AKAP17A: variants seen among roughly 807,000 people sequenced by gnomAD.
The protein encoded by AKAP17A is A-kinase anchor protein 17A.
In AKAP17A, 15 loss-of-function variants were observed where a neutral mutation model predicts 52.2. The observed-to-expected ratio is 0.29, with a 90% CI of 0.19 to 0.44. AKAP17A has a LOEUF of 0.44. AKAP17A is among the 20% of genes least tolerant of loss of function. AKAP17A has a pLI of 1.00. For missense variants in AKAP17A, 1,060 were observed against 1,007.0 expected, an observed-to-expected ratio of 1.05 and a Z score of -0.71; for synonymous variants, 514 against 424.7, an observed-to-expected ratio of 1.21 and a Z score of -2.58.
At chrX:1,597,747 T>C (rs28680548) in intron 3 of AKAP17A, among the ~76,000 whole-genome samples, 4,293 of 151,944 alleles carry the variant, frequency 0.028, 233 homozygotes, top group African/African-American at 0.098. Context: ...TGAGGAGAGA[T>C]GGACGTTGGA....
chrX:1,599,519 C>T (rs1376581601), intron 4 of AKAP17A, 87 bp downstream of exon 4: 19 of 1,530,912 alleles, frequency 1.2e-5, no homozygotes, highest in Admixed American at 7.9e-5. Flanking sequence ...GTCACGGCGC[C>T]GTTTCCCCGC....
intron 2 of AKAP17A, among the ~76,000 whole-genome samples, chrX:1,594,838 C>G (rs1354622575): frequency 6.6e-6 from 1 of 152,096 alleles, no homozygotes; most frequent in Non-Finnish European, 1.5e-5. Context: ...AGGCTGGTCT[C>G]GAACTCCTGA....
At chrX:1,598,365 C>G (rs1332526857) in intron 3 of AKAP17A, among the ~76,000 whole-genome samples, 5 of 152,266 alleles carry the variant, frequency 3.3e-5, no homozygotes, top group South Asian at 4.1e-4. Flanking sequence ...TCCTTGTCCC[C>G]GTGTCTCCTC....
At chrX:1,596,675 C>CTCCTCCTCT (rs2149442412) in intron 3 of AKAP17A, among the ~76,000 whole-genome samples, 1 of 88,354 alleles carries the variant, frequency 1.1e-5, no homozygotes, top group African/African-American at 6.8e-5. Context: ...ATTCCTCCTC[C>CTCCTCCTCT]TCCTCCTCCA....
intron 3 of AKAP17A, 41 bp from the exon 4 acceptor site, chrX:1,599,151 T>C: frequency 1.2e-6 from 2 of 1,601,180 alleles, no homozygotes; most frequent in African/African-American, 2.7e-5. Flanking sequence ...GTGTGTTGGC[T>C]GCGGCGCTCT....
intron 4 of AKAP17A, chrX:1,599,969 G>C (rs1933265722): frequency 2.1e-6 from 1 of 469,204 alleles, no homozygotes; most frequent in South Asian, 1.9e-5. Flanking sequence ...GAGCCTCCCT[G>C]CTCCTCCTGC....
chrX:1,600,347 G>T (rs1412226880), intron 4 of AKAP17A: 1 of 668,422 alleles, frequency 1.5e-6, no homozygotes. Context: ...TGTGCAACGT[G>T]GTGGGGCTCC....
intron 3 of AKAP17A, among the ~76,000 whole-genome samples, chrX:1,596,223 AT>A (rs1200797717): frequency 1.4e-5 from 1 of 71,690 alleles, no homozygotes; most frequent in Non-Finnish European, 2.7e-5. Flanking sequence ...TGATGGCCAG[AT>A]TTAAAAAAAA....
rs757456544 is a variant in AKAP17A at position 1,601,298 on chromosome X, C to T, written c.1792C>T (p.Arg598Trp). ...GGCCACCGGAGACGGGCTTGCTGAC[C>T]GGCACAAGCGGGAGAGGAGCCGGGC... is the stretch of plus-strand genomic sequence containing the variant. ...GRATGDGLAD[R>W]HKRERSRARR... Residue 598 changes from arginine to tryptophan, a missense_variant, in exon 5 of 5, where the codon CGG (arginine) becomes TGG (tryptophan). Arg to Trp is a moderately radical substitution (Grantham distance 101). Around this residue, in one of 2 missense-constraint regions of AKAP17A, gnomAD observed 793 missense variants for 629.9 expected, o/e 1.26. Coordinates refer to ENST00000313871, the MANE Select transcript of AKAP17A (RefSeq NM_005088.3). The T allele has an allele frequency of 2.6e-5, 42 of 1,609,106 alleles. No homozygotes were observed. The highest frequency in any genetic ancestry group is 6.6e-5 in the South Asian group (6 of 90,950).
Position 1,600,697 on chromosome X carries a change from G to A in AKAP17A, c.1191G>A (p.Lys397=), listed in dbSNP as rs1447769600. ...KLREQEQKEE[K]LRLQQQEERR... ...GGGAACAGGAGCAGAAGGAGGAGAA[G>A]CTGAGGCTCCAGCAGCAGGAGGAGC... Residue 397 remains lysine, a synonymous_variant, in exon 5 of 5, where the codon AAG becomes AAA. Coordinates refer to ENST00000313871, the MANE Select transcript of AKAP17A (RefSeq NM_005088.3). 1 of 1,545,658 alleles carries A rather than the reference G, an allele frequency of 6.5e-7. No individual in the cohort carries two copies. The highest frequency in any genetic ancestry group is 8.7e-7 in the Non-Finnish European group (1 of 1,146,260).
chrX:1,600,489 G>A (rs1416078039), intron 4 of AKAP17A, among the ~76,000 whole-genome samples, 170 bp from the exon 5 acceptor site: 2 of 152,086 alleles, frequency 1.3e-5, no homozygotes, highest in African/African-American at 4.8e-5. Flanking sequence ...TGGACGGGCT[G>A]GACCTGGCTC....
chrX:1,594,743 C>G (rs1326746641), intron 2 of AKAP17A, among the ~76,000 whole-genome samples: 1 of 151,986 alleles, frequency 6.6e-6, no homozygotes, highest in Non-Finnish European at 1.5e-5. Flanking sequence ...CTCAGCCTCC[C>G]GAGTAGCTGG....
At chrX:1,597,793 T>C (rs1933088644) in intron 3 of AKAP17A, among the ~76,000 whole-genome samples, 1 of 151,982 alleles carries the variant, frequency 6.6e-6, no homozygotes, top group Non-Finnish European at 1.5e-5. Context: ...AGGGACCCCG[T>C]CTGCCTGGCC....
chrX:1,596,803 C>T lies in AKAP17A; in HGVS notation c.911+1271C>T, dbSNP rs140541792. Among the ~76,000 whole-genome samples, 33 of 74,272 alleles carry T rather than the reference C, an allele frequency of 4.4e-4. 10 individuals carry two copies. Among genetic ancestry groups the T allele is most frequent in the African/African-American group, 2.1e-3 (33 of 16,008 alleles). The allele number at this position is 74,272 out of a possible 152,430, so 48.7% of individuals were successfully genotyped here. A position where few individuals can be genotyped will look rare whatever the true frequency, so the allele number is the denominator to read the frequency against. On this transcript the variant is annotated intron_variant, in intron 3 of 4. Transcript: ENST00000313871. ...TTCCTCCTCCATCCCTCCCGCTGTG[C>T]CCTCCTAGTGAGGCGGATTCGTCCT...
intron 2 of AKAP17A, among the ~76,000 whole-genome samples, chrX:1,595,019 G>A (rs1271536735): frequency 9.2e-5 from 14 of 152,244 alleles, no homozygotes; most frequent in African/African-American, 2.4e-4. Context: ...GTGGGCAGGC[G>A]GCCTGCTCAG....
intron 3 of AKAP17A, among the ~76,000 whole-genome samples, chrX:1,597,935 G>A (rs1376095622): frequency 1.3e-5 from 2 of 152,168 alleles, no homozygotes; most frequent in Admixed American, 6.5e-5. Flanking sequence ...CACACGCAGG[G>A]CCGTACTTGT....
At chrX:1,598,553 C>A (rs190263680) in intron 3 of AKAP17A, among the ~76,000 whole-genome samples, 48 of 152,188 alleles carry the variant, frequency 3.2e-4, no homozygotes, top group African/African-American at 1.0e-3. Flanking sequence ...AGCTGCGGGG[C>A]GGGGGAGGCT....
At position 1,601,452 on chromosome X, in the gene AKAP17A, C is replaced by T. The variant is rs756810517; in HGVS notation, c.1946C>T (p.Ser649Phe). ...CCGGACCACACCCGGTCCCGGAGGT[C>T]CCACAGCAAAGACAGGCACCGGAGG... The part of the protein sequence containing the change: ...TSPDHTRSRR[S>F]HSKDRHRRER... Residue 649 changes from serine (S) to phenylalanine (F), a missense_variant, in exon 5 of 5, where the codon TCC becomes TTC. Around this residue, in one of 2 missense-constraint regions of AKAP17A, gnomAD observed 793 missense variants for 629.9 expected, o/e 1.26. Transcript: ENST00000313871. 6.6e-5 allele frequency: 104 copies of T among 1,573,752 alleles called. No homozygotes were observed. Among genetic ancestry groups the T allele is most frequent in the Non-Finnish European group, 7.6e-5 (89 of 1,167,638 alleles).
chrX:1,600,257 T>TA (rs1360127921), intron 4 of AKAP17A: 2 of 1,235,858 alleles, frequency 1.6e-6, no homozygotes, highest in African/African-American at 3.0e-5. Context: ...GCCCCGCAGC[T>TA]ACGGCGGTGG....
Sources: gnomAD v4.1 joint callset for allele counts (sites outside exome capture counted in the v4.1 genomes callset) on GRCh38, gnomAD v4.1.1 for gene constraint, gnomAD v4.1.1 regional missense constraint, MANE v1.5 for transcripts, NCBI Gene and HGNC (gene_info 2026-07-23, HGNC 2026-07-21) for gene names.